The following IFT140 variants were observed in gnomAD, a reference collection of about 807,000 sequenced individuals.
IFT140 encodes intraflagellar transport 140.
A neutral mutation model predicts 164.6 loss-of-function variants in IFT140; 133 were observed. That is an observed-to-expected ratio of 0.81 (90% CI 0.70 to 0.93). The LOEUF (loss-of-function observed/expected upper bound fraction) is 0.93, where lower values mean the gene tolerates loss of function less well. IFT140 is among the 40% of genes least tolerant of loss of function. IFT140 has a pLI of 0.00. For synonymous variants in IFT140, 860 were observed against 817.3 expected, an observed-to-expected ratio of 1.05 and a Z score of -0.89; for missense variants, 2,045 against 1,972.3, an observed-to-expected ratio of 1.04 and a Z score of -0.70.
In IFT140 at chr16:1,539,347, G is replaced by A. The variant is rs527805666; in HGVS notation, c.2400-12551C>T. Among the ~76,000 whole-genome samples the A allele has an allele frequency of 2.6e-5, 4 of 152,334 alleles. No homozygotes were observed. The East Asian group carries it at 5.8e-4, about 22-fold the overall frequency. On this transcript the variant is annotated intron_variant, in intron 19 of 30. Transcript: ENST00000426508. ...CAGCAAGCCACATGGTGCAAATGCC[G>A]CCCCACGCCTTAGGCCTCAGCAAGT...
At chr16:1,517,996 C>T in intron 30 of IFT140, 1 of 435,540 alleles carries the variant, frequency 2.3e-6, no homozygotes, top group Non-Finnish European at 4.2e-6. Flanking sequence ...AGCCACCATG[C>T]CTGGCTAATT....
At chr16:1,518,915 A>G (rs1160670538) in intron 29 of IFT140, among the ~76,000 whole-genome samples, 1 of 151,984 alleles carries the variant, frequency 6.6e-6, no homozygotes, top group Non-Finnish European at 1.5e-5. Context: ...TCAGGCTCCC[A>G]TGTCAGGAGG....
chr16:1,516,735 A>C (rs1243576148), intron 30 of IFT140, among the ~76,000 whole-genome samples: 3 of 144,876 alleles, frequency 2.1e-5, no homozygotes, highest in African/African-American at 7.8e-5. Flanking sequence ...GCACCACCGC[A>C]CTCCAGCCTG....
chr16:1,534,326 A>G (rs1159848028), intron 19 of IFT140: 1 of 1,612,718 alleles, frequency 6.2e-7, no homozygotes, highest in East Asian at 2.2e-5. Flanking sequence ...CCCTGGTCTC[A>G]CTCATCCTCA....
chr16:1,591,861 A>G (rs1206902553), intron 6 of IFT140, among the ~76,000 whole-genome samples: 5 of 152,172 alleles, frequency 3.3e-5, no homozygotes, highest in Non-Finnish European at 7.3e-5. Flanking sequence ...GCCACCAAAT[A>G]ATTTTTCCAA....
chr16:1,551,711 G>A lies in IFT140; in HGVS notation c.2399+6224C>T, dbSNP rs1392963986. ...AGAGCCTAAGATCAGCGGCACTTCA[G>A]TCTTCTACGGGGTTTTGTTGGGAGC... On this transcript the variant is annotated intron_variant, in intron 19 of 30. Coordinates refer to ENST00000426508, the MANE Select transcript of IFT140 (RefSeq NM_014714.4). This position sits in a 1 kb window ranked among gnomAD's most constrained non-coding sequence, Gnocchi z 4.0. Among the ~76,000 whole-genome samples, 1 of 152,202 alleles carries A rather than the reference G, an allele frequency of 6.6e-6. No homozygotes were observed. The highest frequency in any genetic ancestry group is 1.5e-5 in the Non-Finnish European group (1 of 68,022).
At position 1,525,221 on chromosome 16, in the gene IFT140, G is replaced by T; in HGVS notation, c.2864+10C>A. 6.2e-7 allele frequency: 1 copy of T among 1,601,182 alleles called. No homozygotes were observed. ...AGTGCGGTCCCACCAGCCCTGGTGG[G>T]GACACTCACTTATCCTTCATTTTAT... is the stretch of plus-strand genomic sequence containing the variant. On this transcript the variant is annotated intron_variant, in intron 22 of 30. Transcript: ENST00000426508.
intron 30 of IFT140, among the ~76,000 whole-genome samples, chr16:1,513,722 G>A (rs1336472552): frequency 6.7e-6 from 1 of 149,746 alleles, no homozygotes; most frequent in African/African-American, 2.5e-5. Context: ...CGCCCAGGCT[G>A]GAGTGCAGTG....
chr16:1,568,204 G>C lies in IFT140; in HGVS notation c.1770+13C>G. 3 of 1,572,316 alleles carry C rather than the reference G, an allele frequency of 1.9e-6. No individual in the cohort carries two copies. Reference sequence around the variant, plus strand: ...GGAGGCGGAGTGGGCGAGTGGACGAGGGGTGGCCTCACCTTGCTGGGGAGG... The same window carrying C: ...GGAGGCGGAGTGGGCGAGTGGACGACGGGTGGCCTCACCTTGCTGGGGAGG... On this transcript the variant is annotated intron_variant, in intron 15 of 30. Coordinates refer to ENST00000426508, the MANE Select transcript of IFT140 (RefSeq NM_014714.4).
intron 19 of IFT140, chr16:1,555,429 G>A: frequency 5.5e-6 from 1 of 180,586 alleles, no homozygotes; most frequent in Non-Finnish European, 1.2e-5. Context: ...AGAAAACCAG[G>A]AAAATTTTCT....
chr16:1,591,039 A>G (rs1389736103), intron 6 of IFT140, among the ~76,000 whole-genome samples: 3 of 152,198 alleles, frequency 2.0e-5, no homozygotes, highest in African/African-American at 4.8e-5. Context: ...CATCTTTACG[A>G]TAACTGGGTA....
At chr16:1,604,050 C>T (rs567966290) in intron 3 of IFT140, among the ~76,000 whole-genome samples, 61 of 152,184 alleles carry the variant, frequency 4.0e-4, no homozygotes, top group Non-Finnish European at 7.5e-4. Context: ...ATTGCTATAA[C>T]TTTGGAATTT....
At chr16:1,586,323 C>G in intron 9 of IFT140, 48 bp from the exon 10 acceptor site, 4 of 1,559,514 alleles carry the variant, frequency 2.6e-6, no homozygotes, top group Non-Finnish European at 3.5e-6. Context: ...AAAAAGGGAA[C>G]AAAACAGCAA....
intron 4 of IFT140, among the ~76,000 whole-genome samples, chr16:1,595,102 G>A (rs1396695327): frequency 1.3e-5 from 2 of 151,962 alleles, no homozygotes; most frequent in Non-Finnish European, 2.9e-5. Flanking sequence ...TGGCTAACAC[G>A]GTGAAACCCT....
At chr16:1,561,858 C>T (rs151233718) in intron 18 of IFT140, 127 bp downstream of exon 18, 53 of 894,120 alleles carry the variant, frequency 5.9e-5, no homozygotes, top group Admixed American at 4.4e-4. Context: ...ATGCTGTCTA[C>T]GGAGAGGGAA....
intron 19 of IFT140, chr16:1,541,964 C>T (rs370042666): frequency 1.6e-5 from 25 of 1,610,096 alleles, no homozygotes; most frequent in African/African-American, 9.3e-5. Flanking sequence ...TGGCCACGGC[C>T]GCGCTCACCG....
At position 1,547,806 on chromosome 16, in the gene IFT140, G is replaced by C. The variant is rs2032298792; in HGVS notation, c.2399+10129C>G. On this transcript the variant is annotated intron_variant, in intron 19 of 30. Transcript: ENST00000426508. ...CCACCTTGGCCTCCCACAGCGCTGG[G>C]ATTACAGGCGTGAGTCACTGTGCCT... 2.0e-5 allele frequency among the ~76,000 whole-genome samples: 3 copies of C among 152,182 alleles called. No homozygotes were observed. The South Asian group carries it at 6.2e-4, about 32-fold the overall frequency.
At chr16:1,585,931 C>T (rs749836632) in intron 10 of IFT140, among the ~76,000 whole-genome samples, 199 bp downstream of exon 10, 4 of 152,030 alleles carry the variant, frequency 2.6e-5, no homozygotes, top group Non-Finnish European at 2.9e-5. Flanking sequence ...CCACCACGCC[C>T]GGCTAATTTT....
Position 1,589,674 on chromosome 16 carries a change from C to T in IFT140, c.741G>A (p.Val247=), listed in dbSNP as rs755063870. ...FYMEKREALV[V]VTENLRLSLY... ...GGGACAGCCGGAGGTTCTCTGTGACCACCACCAGTGCCTCCCTCTTCTCCA... is the reference window on the plus strand; with the variant it reads ...GGGACAGCCGGAGGTTCTCTGTGACTACCACCAGTGCCTCCCTCTTCTCCA... The change falls in exon 7 of 31, where the codon GTG becomes GTA. Residue 247 remains valine, a synonymous_variant. Transcript: ENST00000426508. 2.5e-6 allele frequency: 4 copies of T among 1,614,146 alleles called. No homozygotes were observed. The highest frequency in any genetic ancestry group is 2.2e-5 in the South Asian group (2 of 91,080).
Sources: allele counts gnomAD v4.1 joint callset (sites outside exome capture counted in the v4.1 genomes callset), GRCh38; gene constraint gnomAD v4.1.1; non-coding constraint Gnocchi (gnomAD v3.1); transcripts MANE v1.5; gene names NCBI Gene and HGNC (gene_info 2026-07-23, HGNC 2026-07-21).